Variants in GPC5 observed in about 807,000 individuals in gnomAD.
The protein encoded by GPC5 is glypican-5.
Under a neutral mutation model 53.9 loss-of-function variants are expected in GPC5, and 47 were observed. The observed-to-expected ratio is 0.87, with a 90% CI of 0.69 to 1.11. The LOEUF (loss-of-function observed/expected upper bound fraction) is 1.11, where lower values mean the gene tolerates loss of function less well. Ranked by LOEUF, GPC5 falls within the 50% of genes most tolerant of loss-of-function variation. The pLI is 0.00. For synonymous variants in GPC5, 286 were observed against 263.3 expected (o/e 1.09, Z -0.84); for missense variants, 748 against 713.1 (o/e 1.05, Z -0.56).
At chr13:92,842,843 A>G (rs1566441653) in intron 7 of GPC5, among the ~76,000 whole-genome samples, 1 of 152,200 alleles carries the variant, frequency 6.6e-6, no homozygotes, top group Non-Finnish European at 1.5e-5. Flanking sequence ...TGTCAAAATA[A>G]AAATGTTTAT....
rs531581072 is a variant in GPC5, at chr13:92,744,517, C to A, written c.1562-121765C>A. Among the ~76,000 whole-genome samples the A allele has an allele frequency of 9.8e-4, 146 of 148,258 alleles. 1 individual carries two copies. Among genetic ancestry groups the A allele is most frequent in the African/African-American group, 2.3e-3 (93 of 40,570 alleles). Reference sequence around the variant, plus strand: ...AGACTATACAGGAAAAAAAAAAAAACCAGAACATGAGATAGAACCCTAAGA... The same window carrying A: ...AGACTATACAGGAAAAAAAAAAAAAACAGAACATGAGATAGAACCCTAAGA... On this transcript the variant is annotated intron_variant, in intron 7 of 7. Coordinates refer to ENST00000377067, the MANE Select transcript of GPC5 (RefSeq NM_004466.6).
chr13:91,920,926 CTTTTTTTTTTTTTTTTT>C (rs869309251), intron 6 of GPC5, among the ~76,000 whole-genome samples: 2 of 32,158 alleles, frequency 6.2e-5, no homozygotes, highest in Middle Eastern at 0.05. Flanking sequence ...CTCTCTCTCT[CTTTTTTTTTTTTTTTTT>C]TTTTTTTTTT....
chr13:92,509,804 T>G (rs551932090), intron 7 of GPC5: 1 of 152,174 alleles, frequency 6.6e-6, no homozygotes, highest in Non-Finnish European at 1.5e-5. Context: ...CACTTCAACA[T>G]GGGCGCAATG....
chr13:91,462,601 T>C (rs1231932667), intron 2 of GPC5, among the ~76,000 whole-genome samples: 4 of 152,128 alleles, frequency 2.6e-5, no homozygotes, highest in African/African-American at 9.7e-5. Context: ...TAAGACATTG[T>C]AGAGGGTTTC....
chr13:92,409,903 A>G (rs753908286), intron 7 of GPC5, among the ~76,000 whole-genome samples: 1 of 152,184 alleles, frequency 6.6e-6, no homozygotes, highest in African/African-American at 2.4e-5. Flanking sequence ...ATACGACTTT[A>G]AGGAGAAGGA....
chr13:91,844,628 G>T (rs1221556704), intron 5 of GPC5, among the ~76,000 whole-genome samples: 2 of 152,192 alleles, frequency 1.3e-5, no homozygotes, highest in Non-Finnish European at 2.9e-5. Flanking sequence ...CCACTGAAGG[G>T]TGCACATGTG....
intron 7 of GPC5, among the ~76,000 whole-genome samples, chr13:92,853,198 T>C (rs1189762121): frequency 6.6e-6 from 1 of 152,202 alleles, no homozygotes; most frequent in African/African-American, 2.4e-5. Context: ...GTAGTCCTCC[T>C]TATCTGAGAT....
intron 2 of GPC5, among the ~76,000 whole-genome samples, chr13:91,503,044 A>G (rs192124780): frequency 1.3e-5 from 2 of 152,312 alleles, no homozygotes; most frequent in East Asian, 1.9e-4. Flanking sequence ...AATGAAGTCT[A>G]GAAAAGAGAG....
Position 91,482,278 on chromosome 13 carries a change from C to G in GPC5, c.325+33356C>G, listed in dbSNP as rs375084556. ...TTATGCGAGGAACAGTGTTCTTCCT[C>G]TTGGGAGAATGTAGTGTTCAAGGTA... On this transcript the variant is annotated intron_variant, in intron 2 of 7. Coordinates refer to ENST00000377067, the MANE Select transcript of GPC5 (RefSeq NM_004466.6). Among the ~76,000 whole-genome samples, 143 of 152,268 alleles carry G rather than the reference C, an allele frequency of 9.4e-4. 1 individual carries two copies. The South Asian group carries it at 0.022, about 24-fold the overall frequency.
chr13:92,580,101 C>T (rs1883325346), intron 7 of GPC5, among the ~76,000 whole-genome samples: 1 of 152,174 alleles, frequency 6.6e-6, no homozygotes, highest in South Asian at 2.1e-4. Context: ...CTGCTGTGTG[C>T]AACCTTTGTT....
At chr13:92,438,999 C>T (rs1175987414) in intron 7 of GPC5, among the ~76,000 whole-genome samples, 1 of 152,108 alleles carries the variant, frequency 6.6e-6, no homozygotes, top group African/African-American at 2.4e-5. Context: ...ATATACTGGT[C>T]TGGAGCTCAG....
intron 6 of GPC5, among the ~76,000 whole-genome samples, chr13:92,116,266 C>CA (rs1195704537): frequency 8.7e-5 from 1 of 11,536 alleles, no homozygotes; most frequent in African/African-American, 1.1e-4. Context: ...AACAAACAAA[C>CA]AAACAAAAAA....
intron 7 of GPC5, among the ~76,000 whole-genome samples, chr13:92,613,315 AATAAAT>A (rs377122841): frequency 0.01 from 1,158 of 112,200 alleles, 27 homozygotes; most frequent in South Asian, 0.052. Context: ...TAATGTATAT[AATAAAT>A]ATTTATATAA....
intron 2 of GPC5, among the ~76,000 whole-genome samples, chr13:91,609,975 G>T (rs369580273): frequency 1.9e-4 from 29 of 152,220 alleles, no homozygotes; most frequent in African/African-American, 6.5e-4. Context: ...GTGTACATTC[G>T]TTATATGGAA....
At chr13:92,200,600 G>A (rs994515457) in intron 7 of GPC5, among the ~76,000 whole-genome samples, 3 of 152,108 alleles carry the variant, frequency 2.0e-5, no homozygotes, top group Non-Finnish European at 2.9e-5. Context: ...TTTTTGACAA[G>A]GTTAAAAGCA....
Position 92,501,096 on chromosome 13 carries a change from C to G in GPC5, c.1561+356107C>G, listed in dbSNP as rs1255931555. Among the ~76,000 whole-genome samples the G allele has an allele frequency of 3.3e-5, 5 of 151,906 alleles. No individual in the cohort carries two copies. The East Asian group carries it at 7.7e-4, about 23-fold the overall frequency. ...GAAACCTTACCTCACATATGGCTTA[C>G]AAGGAAAATAACATCCCACATATGA... On this transcript the variant is annotated intron_variant, in intron 7 of 7. Transcript: ENST00000377067.
At chr13:92,737,766 C>T (rs79867629) in intron 7 of GPC5, among the ~76,000 whole-genome samples, 319 of 101,900 alleles carry the variant, frequency 3.1e-3, no homozygotes, top group East Asian at 3.9e-3. Flanking sequence ...TTTTCTTTTT[C>T]TTTTTTTTTT....
chr13:91,941,562 G>A (rs778609579), intron 6 of GPC5, among the ~76,000 whole-genome samples: 2 of 151,978 alleles, frequency 1.3e-5, no homozygotes, highest in Non-Finnish European at 2.9e-5. Context: ...CTCTTAGGTG[G>A]ACTGAGAATC....
chr13:91,498,239 A>G (rs1003118392), intron 2 of GPC5, among the ~76,000 whole-genome samples: 1 of 110,234 alleles, frequency 9.1e-6, no homozygotes, highest in Non-Finnish European at 1.8e-5. Context: ...CTACCCAAAG[A>G]TTTTTTTTTT....
Sources: gnomAD v4.1 joint callset for allele counts (sites outside exome capture counted in the v4.1 genomes callset) on GRCh38, gnomAD v4.1.1 for gene constraint, MANE v1.5 for transcripts, NCBI Gene and HGNC (gene_info 2026-07-23, HGNC 2026-07-21) for gene names.